Variants in PRPF39 observed in about 807,000 individuals in gnomAD.
PRPF39 encodes the protein pre-mRNA processing factor 39.
In PRPF39, 27 loss-of-function variants were observed where a neutral mutation model predicts 82.1. The observed-to-expected ratio is 0.33, with a 90% CI of 0.24 to 0.45. PRPF39 has a LOEUF of 0.45. PRPF39 is among the 20% of genes least tolerant of loss of function. PRPF39 has a pLI of 1.00. For synonymous variants in PRPF39, 261 were observed against 256.4 expected (o/e 1.02, Z -0.17); for missense variants, 581 against 796.9 (o/e 0.73, Z 3.26).
intron 3 of PRPF39, chr14:45,096,674 G>A (rs1170903395): frequency 9.9e-6 from 15 of 1,510,208 alleles, no homozygotes; most frequent in African/African-American, 1.4e-5. Flanking sequence ...CGGTCAGAAT[G>A]CAGGGACTGC....
intron 1 of PRPF39, among the ~76,000 whole-genome samples, chr14:45,092,863 C>T (rs1027537290): frequency 2.6e-5 from 4 of 151,540 alleles, no homozygotes; most frequent in East Asian, 1.9e-4. Flanking sequence ...TCTGCATAGA[C>T]GGTAGTGAAA....
rs945636291 is a variant in PRPF39, at chr14:45,102,181, G to A, written c.570-348G>A. Reference sequence around the variant, plus strand: ...TTTGCCTCTCTTTAACTTCCTACTTGTTTTAATTTTGTCTTCTGTCATAAA... The same window carrying A: ...TTTGCCTCTCTTTAACTTCCTACTTATTTTAATTTTGTCTTCTGTCATAAA... On this transcript the variant is annotated intron_variant, in intron 4 of 13. Transcript: ENST00000355765. Among the ~76,000 whole-genome samples the A allele has an allele frequency of 2.0e-5, 3 of 152,048 alleles. No homozygotes were observed. The South Asian group carries it at 6.2e-4, about 31-fold the overall frequency.
intron 12 of PRPF39, 32 bp downstream of exon 12, chr14:45,114,289 T>C (rs1359066525): frequency 1.3e-6 from 2 of 1,498,330 alleles, no homozygotes; most frequent in Admixed American, 3.8e-5. Flanking sequence ...CAAGAAGGCG[T>C]GCTTCATTAT....
chr14:45,110,233 A>G lies in PRPF39; in HGVS notation c.1303+13A>G, dbSNP rs1318403362. On this transcript the variant is annotated intron_variant, in intron 9 of 13. Transcript: ENST00000355765. This position sits in a 1 kb window ranked among gnomAD's most constrained non-coding sequence, Gnocchi z 4.0. ...GAGGAACAGCAGGGTAAGAGTGGAG[A>G]AATTCAGTTGACATTTTTGAGATTT... The G allele has an allele frequency of 6.2e-7, 1 of 1,611,482 alleles. No individual in the cohort carries two copies. Among genetic ancestry groups the G allele is most frequent in the African/African-American group, 1.3e-5 (1 of 74,770 alleles).
At position 45,110,929 on chromosome 14, in the gene PRPF39, A is replaced by T; in HGVS notation, c.1572+112A>T. The T allele has an allele frequency of 9.3e-7, 1 of 1,072,512 alleles. No homozygotes were observed. The highest frequency in any genetic ancestry group is 1.3e-6 in the Non-Finnish European group (1 of 763,208). 66.4% of individuals were successfully genotyped at this position (1,072,512 alleles called of 1,614,324 possible). ...TGGTCTGTATGTAATAGATTTTATTACTAAATGAGGACAACAGTCCCTCTA... is the reference window on the plus strand; with the variant it reads ...TGGTCTGTATGTAATAGATTTTATTTCTAAATGAGGACAACAGTCCCTCTA... On this transcript the variant is annotated intron_variant, in intron 10 of 13. Coordinates refer to ENST00000355765, the MANE Select transcript of PRPF39 (RefSeq NM_017922.4). This position sits in a 1 kb window ranked among gnomAD's most constrained non-coding sequence, Gnocchi z 4.0.
At chr14:45,100,082 T>A (rs1226546365) in intron 4 of PRPF39, among the ~76,000 whole-genome samples, 1 of 152,050 alleles carries the variant, frequency 6.6e-6, no homozygotes, top group African/African-American at 2.4e-5. Flanking sequence ...ACAAAAAAAT[T>A]AGCTGGGCAT....
intron 1 of PRPF39, among the ~76,000 whole-genome samples, chr14:45,089,354 C>T (rs1566689546): frequency 1.3e-5 from 2 of 152,186 alleles, no homozygotes; most frequent in African/African-American, 4.8e-5. Context: ...AGAGACGATC[C>T]CTTCCTCAAT....
chr14:45,098,975 C>T (rs1193557954), intron 4 of PRPF39, among the ~76,000 whole-genome samples: 1 of 152,172 alleles, frequency 6.6e-6, no homozygotes, highest in Non-Finnish European at 1.5e-5. Flanking sequence ...TTATTTTCTC[C>T]ATAGAGCTTT....
rs1315139839 is a variant in PRPF39 at position 45,095,534 on chromosome 14, G to T, written c.295G>T (p.Val99Leu). The stretch of plus-strand genomic sequence containing the variant: ...TAATCCTCAGGATTTTACAGGCTGG[G>T]TATATTTGCTTCAATATGTAGAACA... ...ENNPQDFTGW[V>L]YLLQYVEQEN... The change falls in exon 2 of 14, where the codon GTA (valine) becomes TTA (leucine). Residue 99 changes from valine to leucine, a missense_variant. Val to Leu is a conservative substitution (Grantham distance 32). Transcript: ENST00000355765. The T allele has an allele frequency of 1.2e-6, 2 of 1,607,662 alleles. No individual in the cohort carries two copies. The highest frequency in any genetic ancestry group is 1.7e-6 in the Non-Finnish European group (2 of 1,176,762).
intron 6 of PRPF39, 126 bp downstream of exon 6, chr14:45,107,742 A>T: frequency 3.5e-6 from 3 of 854,624 alleles, no homozygotes; most frequent in Non-Finnish European, 5.3e-6. Flanking sequence ...CCATGTAGGC[A>T]ACATGGTGAA....
intron 6 of PRPF39, 72 bp downstream of exon 6, chr14:45,107,688 G>A (rs1416842701): frequency 9.0e-6 from 13 of 1,443,728 alleles, no homozygotes; most frequent in Non-Finnish European, 9.4e-6. Context: ...CAGCACTTTG[G>A]GAGGCCAAGG....
At chr14:45,111,934 G>A (rs969626031) in intron 10 of PRPF39, among the ~76,000 whole-genome samples, 5 of 151,988 alleles carry the variant, frequency 3.3e-5, no homozygotes, top group African/African-American at 4.8e-5. Context: ...CACCACGCCC[G>A]GTTAAGATGT....
At chr14:45,106,805 A>T (rs1348546856) in intron 5 of PRPF39, among the ~76,000 whole-genome samples, 3 of 152,288 alleles carry the variant, frequency 2.0e-5, no homozygotes. Flanking sequence ...TAGGGCAGGT[A>T]AGAAGGGGAA....
In PRPF39 at chr14:45,116,215, A is replaced by G; in HGVS notation, c.*1302A>G. ...CTGCTATTTCAATCAATATCCACTA[A>G]TTCCACTTCAAAAGTGAGTTTTGCA... is the stretch of plus-strand genomic sequence containing the variant. On this transcript the variant is annotated 3_prime_UTR_variant, in exon 14 of 14. Transcript: ENST00000355765. 1 of 1,612,598 alleles carries G rather than the reference A, an allele frequency of 6.2e-7. No individual in the cohort carries two copies. Among genetic ancestry groups the G allele is most frequent in the Non-Finnish European group, 8.5e-7 (1 of 1,178,752 alleles).
At position 45,110,269 on chromosome 14, in the gene PRPF39, C is replaced by A. The variant is rs1884661828; in HGVS notation, c.1303+49C>A. On this transcript the variant is annotated intron_variant, in intron 9 of 13. Transcript: ENST00000355765. The surrounding 1 kb of genome is among the most constrained non-coding windows in gnomAD (Gnocchi z 4.0). ...ACATTTTTGAGATTTTAAGTTATTT[C>A]AGGAAACAGTGACAAATTGAGTGGT... is the stretch of plus-strand genomic sequence containing the variant. The A allele has an allele frequency of 6.2e-7, 1 of 1,603,008 alleles. No homozygotes were observed. The highest frequency in any genetic ancestry group is 8.5e-7 in the Non-Finnish European group (1 of 1,172,166).
At position 45,102,639 on chromosome 14, in the gene PRPF39, C is replaced by T; in HGVS notation, c.680C>T (p.Ala227Val). Reference sequence around the variant, plus strand: ...CAGGGAAACCTGAGAGAAGTTACAGCTATATATGATCGTATTCTTGGTATT... The same window carrying T: ...CAGGGAAACCTGAGAGAAGTTACAGTTATATATGATCGTATTCTTGGTATT... The part of the protein sequence containing the change: ...NEQGNLREVT[A>V]IYDRILGIPT... Residue 227 changes from alanine (A) to valine (V), a missense_variant, in exon 5 of 14, where the codon GCT (alanine) becomes GTT (valine). Ala to Val is a moderately conservative substitution (Grantham distance 64). Coordinates refer to ENST00000355765, the MANE Select transcript of PRPF39 (RefSeq NM_017922.4). 3 of 1,611,710 alleles carry T rather than the reference C, an allele frequency of 1.9e-6. No individual in the cohort carries two copies. Among genetic ancestry groups the T allele is most frequent in the Non-Finnish European group, 2.5e-6 (3 of 1,178,588 alleles).
intron 1 of PRPF39, 100 bp downstream of exon 1, chr14:45,084,349 T>C (rs1404831469): frequency 6.6e-6 from 1 of 152,620 alleles, no homozygotes; most frequent in Non-Finnish European, 1.5e-5. Context: ...GGCCGCGGCC[T>C]CCCTCTCCCG....
At chr14:45,099,606 G>T (rs866611466) in intron 4 of PRPF39, among the ~76,000 whole-genome samples, 26 of 151,974 alleles carry the variant, frequency 1.7e-4, no homozygotes, top group Non-Finnish European at 2.4e-4. Context: ...CACCACGCCT[G>T]ACTAATTTTT....
chr14:45,111,631 C>CT (rs58863567), intron 10 of PRPF39, among the ~76,000 whole-genome samples: 1,989 of 58,792 alleles, frequency 0.034, 554 homozygotes, highest in African/African-American at 0.055. Flanking sequence ...TGCACCTGGG[C>CT]TTTTTTTTTT....
Sources: allele counts gnomAD v4.1 joint callset (sites outside exome capture counted in the v4.1 genomes callset), GRCh38; gene constraint gnomAD v4.1.1; non-coding constraint Gnocchi (gnomAD v3.1); transcripts MANE v1.5; gene names NCBI Gene and HGNC (gene_info 2026-07-23, HGNC 2026-07-21).